The following TKFC variants were observed in gnomAD, a reference collection of about 807,000 sequenced individuals.
The protein encoded by TKFC is triokinase and FMN cyclase, also known as triokinase/FMN cyclase.
In TKFC, 46 loss-of-function variants were observed where a neutral mutation model predicts 61.0. That is an observed-to-expected ratio of 0.75 (90% CI 0.60 to 0.96). The LOEUF is 0.96. Among genes scored for constraint, TKFC ranks in the 50% least tolerant of loss-of-function variants. The pLI is 0.00. For synonymous variants in TKFC, 314 were observed against 330.1 expected (o/e 0.95, Z 0.53); for missense variants, 715 against 777.5 (o/e 0.92, Z 0.96).
chr11:61,347,275 C>T lies in TKFC; in HGVS notation c.*772C>T, dbSNP rs1418517906. Reference sequence around the variant, plus strand: ...AATGCAGCCAGGCCGGGCACGGTGGCTCACACCTGCAATCCCAGCACTTTG... The same window carrying T: ...AATGCAGCCAGGCCGGGCACGGTGGTTCACACCTGCAATCCCAGCACTTTG... On this transcript the variant is annotated 3_prime_UTR_variant, in exon 18 of 18. Transcript: ENST00000394900. 1 of 985,482 alleles carries T rather than the reference C, an allele frequency of 1.0e-6. No homozygotes were observed. The highest frequency in any genetic ancestry group is 1.2e-6 in the Non-Finnish European group (1 of 829,970). The allele number at this position is 985,482 out of a possible 1,614,324, so 61.0% of individuals were successfully genotyped here. A position where few individuals can be genotyped will look rare whatever the true frequency, so the allele number is the denominator to read the frequency against.
In TKFC at chr11:61,348,565, G is replaced by A. The variant is rs1857252331; in HGVS notation, c.*2062G>A. On this transcript the variant is annotated 3_prime_UTR_variant, in exon 18 of 18. Coordinates refer to ENST00000394900, the MANE Select transcript of TKFC (RefSeq NM_015533.4). Reference sequence around the variant, plus strand: ...CACTATGGTAGTGTTAGGACGTGGGGCCTTTGGGAGGTGATGGGGTTATGA... The same window carrying A: ...CACTATGGTAGTGTTAGGACGTGGGACCTTTGGGAGGTGATGGGGTTATGA... 1 of 920,746 alleles carries A rather than the reference G, an allele frequency of 1.1e-6. No individual in the cohort carries two copies. Among genetic ancestry groups the A allele is most frequent in the Non-Finnish European group, 1.3e-6 (1 of 770,902 alleles). The allele number at this position is 920,746 out of a possible 1,614,324, so 57.0% of individuals were successfully genotyped here. A position where few individuals can be genotyped will look rare whatever the true frequency, so the allele number is the denominator to read the frequency against.
rs551828395 is a variant in TKFC at position 61,338,124 on chromosome 11, C to T, written c.187C>T (p.His63Tyr). ...SGGGSGHEPA[H>Y]AGFIGKGMLT... is the part of the protein sequence containing the mutation. Reference sequence around the variant, plus strand: ...TGGGGGCTCTGGCCATGAGCCTGCCCATGCTGGTGAGTATCCTGGGGTGGG... The same window carrying T: ...TGGGGGCTCTGGCCATGAGCCTGCCTATGCTGGTGAGTATCCTGGGGTGGG... Residue 63 changes from histidine to tyrosine, a missense_variant, in exon 3 of 18, where the codon CAT becomes TAT. His to Tyr is a moderately conservative substitution (Grantham distance 83). Transcript: ENST00000394900. The T allele has an allele frequency of 7.0e-5, 112 of 1,591,096 alleles. 1 individual carries two copies. The South Asian group carries it at 1.1e-3, about 16-fold the overall frequency.
chr11:61,336,612 A>C (rs966908679), intron 2 of TKFC, among the ~76,000 whole-genome samples: 1 of 152,220 alleles, frequency 6.6e-6, no homozygotes, highest in African/African-American at 2.4e-5. Context: ...TTAGCTCCCG[A>C]CAATGATGTA....
At chr11:61,349,790 C>T (rs1186304130), downstream of TKFC, 2 of 627,482 alleles carry the variant, frequency 3.2e-6, no homozygotes, top group African/African-American at 1.8e-5. Context: ...ATGTCTCCAC[C>T]CCACCTCACA....
chr11:61,338,567 T>G (rs1856712933), intron 3 of TKFC, among the ~76,000 whole-genome samples: 1 of 152,188 alleles, frequency 6.6e-6, no homozygotes, highest in Non-Finnish European at 1.5e-5. Context: ...TGAGGGCTGC[T>G]GGAGGGCAGG....
At position 61,344,139 on chromosome 11, in the gene TKFC, C is replaced by A; in HGVS notation, c.1106C>A (p.Ser369Ter). 2 of 1,612,202 alleles carry A rather than the reference C, an allele frequency of 1.2e-6. No individual in the cohort carries two copies. Among genetic ancestry groups the A allele is most frequent in the Non-Finnish European group, 1.7e-6 (2 of 1,179,978 alleles). ...CTTCAGCATCCTCCCTTTCTAGGCT[C>A]AGCCTCGAAGCGGATGGCGCTGGTG... ...EAPDSTAAGG[S>*]ASKRMALVLE... The change falls in exon 13 of 18, where the codon TCA becomes TAA. Residue 369 changes from serine to a stop codon, truncating the protein, a stop_gained. Coordinates refer to ENST00000394900, the MANE Select transcript of TKFC (RefSeq NM_015533.4). LOFTEE classifies it high-confidence loss of function.
In TKFC at chr11:61,346,509, G is replaced by A. The variant is rs142611518; in HGVS notation, c.*6G>A. Reference sequence around the variant, plus strand: ...TGGAGGTCTTGCAGAGCTAGGGTGTGTGACTGCCTCCCTTGGCCTCAGCTC... The same window carrying A: ...TGGAGGTCTTGCAGAGCTAGGGTGTATGACTGCCTCCCTTGGCCTCAGCTC... On this transcript the variant is annotated 3_prime_UTR_variant, in exon 18 of 18. Coordinates refer to ENST00000394900, the MANE Select transcript of TKFC (RefSeq NM_015533.4). The surrounding 1 kb of genome is among the most constrained non-coding windows in gnomAD (Gnocchi z 4.1). 13,357 of 1,590,818 alleles carry A rather than the reference G, an allele frequency of 8.4e-3. 142 individuals carry two copies. The highest frequency in any genetic ancestry group is 0.033 in the South Asian group (3,007 of 90,580).
Position 61,339,184 on chromosome 11 carries a change from T to G in TKFC, c.304+8T>G. 1 of 1,613,222 alleles carries G rather than the reference T, an allele frequency of 6.2e-7. No individual in the cohort carries two copies. The highest frequency in any genetic ancestry group is 8.5e-7 in the Non-Finnish European group (1 of 1,179,624). On this transcript the variant is annotated splice_region_variant and intron_variant, in intron 4 of 17. Coordinates refer to ENST00000394900, the MANE Select transcript of TKFC (RefSeq NM_015533.4). Reference sequence around the variant, plus strand: ...TGGCCCAGGCCGGCACAGGTAAGCCTGGCATGCAGGAGGGGCTGCGGCAGG... The same window carrying G: ...TGGCCCAGGCCGGCACAGGTAAGCCGGGCATGCAGGAGGGGCTGCGGCAGG...
chr11:61,351,283 T>TA, downstream of TKFC: 301 of 748,886 alleles, frequency 4.0e-4, no homozygotes, highest in Non-Finnish European at 5.3e-4. Context: ...TAACACCCTT[T>TA]CTTTTTTTTT....
At chr11:61,341,547 T>C (rs1341161435) in intron 6 of TKFC, 33 bp downstream of exon 6, 1 of 1,549,884 alleles carries the variant, frequency 6.5e-7, no homozygotes, top group Admixed American at 2.0e-5. Context: ...GGGAAGAGAG[T>C]GGGGAAGGTT....
chr11:61,346,134 C>A lies in TKFC; in HGVS notation c.1575+188C>A. 2.5e-6 allele frequency: 3 copies of A among 1,221,236 alleles called. No individual in the cohort carries two copies. Among genetic ancestry groups the A allele is most frequent in the Non-Finnish European group, 3.3e-6 (3 of 895,588 alleles). The allele number at this position is 1,221,236 out of a possible 1,614,324, so 75.6% of individuals were successfully genotyped here. A position where few individuals can be genotyped will look rare whatever the true frequency, so the allele number is the denominator to read the frequency against. Reference sequence around the variant, plus strand: ...GAAATATGTAGAGCCCCGCACACTGCCTGGGATGTGACAGGGCCTCAGTGA... The same window carrying A: ...GAAATATGTAGAGCCCCGCACACTGACTGGGATGTGACAGGGCCTCAGTGA... On this transcript the variant is annotated intron_variant, in intron 17 of 17. Transcript: ENST00000394900. This position sits in a 1 kb window ranked among gnomAD's most constrained non-coding sequence, Gnocchi z 4.1.
chr11:61,346,570 C>T lies in TKFC; in HGVS notation c.*67C>T, dbSNP rs1857139311. On this transcript the variant is annotated 3_prime_UTR_variant, in exon 18 of 18. Transcript: ENST00000394900. The surrounding 1 kb of genome is among the most constrained non-coding windows in gnomAD (Gnocchi z 4.1). ...TGTGCTGAGGTGGCCTTTGTCACTTCCTTCTGCCTTCCAACCCTCACCTTC... is the reference window on the plus strand; with the variant it reads ...TGTGCTGAGGTGGCCTTTGTCACTTTCTTCTGCCTTCCAACCCTCACCTTC... The T allele has an allele frequency of 4.0e-6, 6 of 1,517,610 alleles. No homozygotes were observed. Among genetic ancestry groups the T allele is most frequent in the Non-Finnish European group, 4.4e-6 (5 of 1,136,104 alleles). 94.0% of individuals were successfully genotyped at this position (1,517,610 alleles called of 1,614,324 possible). A position where few individuals can be genotyped will look rare whatever the true frequency, so the allele number is the denominator to read the frequency against.
At chr11:61,335,025 C>T (rs1403709880) in intron 2 of TKFC, among the ~76,000 whole-genome samples, 2 of 152,196 alleles carry the variant, frequency 1.3e-5, no homozygotes, top group Admixed American at 1.3e-4. Context: ...CAGTTACCTG[C>T]TCTGTAATAG....
At chr11:61,351,623 T>C (rs1026554759), downstream of TKFC, 1 of 151,404 alleles carries the variant, frequency 6.6e-6, no homozygotes, top group African/African-American at 2.4e-5. Flanking sequence ...CCTGCAAATA[T>C]TTGTATAATG....
intron 2 of TKFC, chr11:61,335,381 C>T (rs1856563993): frequency 6.5e-6 from 1 of 153,092 alleles, no homozygotes; most frequent in Non-Finnish European, 1.5e-5. Context: ...CCTTTTCCAT[C>T]CTTTCAGGCC....
chr11:61,343,547 C>T, intron 11 of TKFC, 89 bp downstream of exon 11: 9 of 1,243,848 alleles, frequency 7.2e-6, no homozygotes, highest in Middle Eastern at 2.2e-4. Context: ...CAGGGCTGAC[C>T]GTGACAATCA....
chr11:61,334,842 T>C, intron 2 of TKFC, 111 bp downstream of exon 2: 1 of 1,486,534 alleles, frequency 6.7e-7, no homozygotes, highest in Non-Finnish European at 9.3e-7. Flanking sequence ...TATTGCCTCC[T>C]GAGGCTCACG....
rs776683451 is a variant in TKFC at position 61,346,455 on chromosome 11, G to A, written c.1680G>A (p.Val560=). The A allele has an allele frequency of 1.9e-6, 3 of 1,610,380 alleles. No individual in the cohort carries two copies. The East Asian group carries it at 6.7e-5, about 36-fold the overall frequency. Residue 560 remains valine, a synonymous_variant, in exon 18 of 18, where the codon GTG becomes GTA. Coordinates refer to ENST00000394900, the MANE Select transcript of TKFC (RefSeq NM_015533.4). The surrounding 1 kb of genome is among the most constrained non-coding windows in gnomAD (Gnocchi z 4.1). ...ARLEQPDPGA[V]AAAAILRAIL... ...TGGAGCAGCCAGACCCCGGGGCGGT[G>A]GCAGCTGCTGCCATCCTCCGGGCCA...
intron 5 of TKFC, among the ~76,000 whole-genome samples, chr11:61,339,809 C>T (rs1416387502): frequency 2.0e-5 from 3 of 152,142 alleles, no homozygotes; most frequent in African/African-American, 7.2e-5. Context: ...TTCCTGCCTT[C>T]TGGCCTTGCT....
Sources: gnomAD v4.1 joint callset for allele counts (sites outside exome capture counted in the v4.1 genomes callset) on GRCh38, gnomAD v4.1.1 for gene constraint, Gnocchi (gnomAD v3.1) non-coding constraint, MANE v1.5 for transcripts, NCBI Gene and HGNC (gene_info 2026-07-23, HGNC 2026-07-21) for gene names.